NLGN1: variants seen among roughly 807,000 people sequenced by gnomAD.
NLGN1 encodes the protein neuroligin 1.
Under a neutral mutation model 65.5 loss-of-function variants are expected in NLGN1, and 12 were observed. The ratio of observed to expected loss-of-function variants is 0.18; its 90% confidence interval spans 0.12 to 0.30. The LOEUF (loss-of-function observed/expected upper bound fraction) is 0.30. NLGN1 is among the 10% of genes least tolerant of loss of function. The pLI is 1.00. For synonymous variants in NLGN1, 350 were observed against 359.5 expected, an observed-to-expected ratio of 0.97 and a Z score of 0.30; for missense variants, 750 against 1,007.1, an observed-to-expected ratio of 0.74 and a Z score of 3.46.
chr3:173,865,482 G>T (rs1466495795), intron 4 of NLGN1, among the ~76,000 whole-genome samples: 3 of 152,034 alleles, frequency 2.0e-5, no homozygotes, highest in Admixed American at 6.6e-5. Context: ...AGTGTTTTAT[G>T]TGTACTAAGT....
intron 4 of NLGN1, among the ~76,000 whole-genome samples, chr3:174,169,614 A>T (rs887825029): frequency 1.3e-5 from 2 of 152,138 alleles, no homozygotes; most frequent in African/African-American, 4.8e-5. Flanking sequence ...AGTGCTCCAG[A>T]TGCCTGAATT....
intron 3 of NLGN1, among the ~76,000 whole-genome samples, chr3:173,792,991 A>G (rs946996842): frequency 1.3e-5 from 2 of 152,176 alleles, no homozygotes; most frequent in Non-Finnish European, 2.9e-5. Flanking sequence ...ATGTCTAAGT[A>G]AGCCTTTAGG....
intron 2 of NLGN1, among the ~76,000 whole-genome samples, chr3:173,582,171 T>G (rs1180792139): frequency 1.3e-5 from 2 of 152,102 alleles, no homozygotes; most frequent in Non-Finnish European, 2.9e-5. Context: ...TGAGATTCAT[T>G]TATATCAACT....
At chr3:173,747,258 A>AAT (rs904454466) in intron 3 of NLGN1, among the ~76,000 whole-genome samples, 28 of 145,476 alleles carry the variant, frequency 1.9e-4, no homozygotes, top group African/African-American at 6.7e-4. Context: ...TATATATTTA[A>AAT]ATATATATAT....
At chr3:173,650,264 TG>T (rs1758945366) in intron 3 of NLGN1, among the ~76,000 whole-genome samples, 2 of 152,166 alleles carry the variant, frequency 1.3e-5, no homozygotes, top group Admixed American at 1.3e-4. Flanking sequence ...TGGCATCCTA[TG>T]ACAGTTTTCA....
intron 3 of NLGN1, among the ~76,000 whole-genome samples, chr3:173,632,748 A>C (rs907914817): frequency 1.3e-5 from 2 of 152,044 alleles, no homozygotes; most frequent in Non-Finnish European, 2.9e-5. Flanking sequence ...TTTAGAGCCA[A>C]GGAAAGCAGC....
chr3:174,289,047 T>A (rs1752440150), downstream of NLGN1, among the ~76,000 whole-genome samples: 1 of 151,250 alleles, frequency 6.6e-6, no homozygotes, highest in Admixed American at 6.6e-5. Context: ...AGTAAGGAAA[T>A]CAACAAAGAT....
chr3:174,036,920 A>G (rs1447916238), intron 4 of NLGN1, among the ~76,000 whole-genome samples: 2 of 152,156 alleles, frequency 1.3e-5, no homozygotes, highest in Admixed American at 1.3e-4. Flanking sequence ...TGTTCCTGCA[A>G]AGGACATGAT....
chr3:173,661,518 C>T (rs1189896624), intron 3 of NLGN1, among the ~76,000 whole-genome samples: 3 of 151,890 alleles, frequency 2.0e-5, no homozygotes, highest in Non-Finnish European at 4.4e-5. Context: ...TAGTGGTAAG[C>T]GAGATTATAG....
At chr3:173,583,102 C>A (rs1746662320) in intron 2 of NLGN1, among the ~76,000 whole-genome samples, 7 of 152,172 alleles carry the variant, frequency 4.6e-5, no homozygotes, top group Admixed American at 3.3e-4. Context: ...TAGCCCTGAA[C>A]CACATCTGCA....
chr3:173,561,949 T>C (rs1418609444), intron 2 of NLGN1, among the ~76,000 whole-genome samples: 1 of 152,188 alleles, frequency 6.6e-6, no homozygotes, highest in Admixed American at 6.5e-5. Flanking sequence ...TTTAATGGTG[T>C]GACAATTAAA....
At chr3:173,785,202 G>A (rs1437871079) in intron 3 of NLGN1, among the ~76,000 whole-genome samples, 1 of 152,122 alleles carries the variant, frequency 6.6e-6, no homozygotes, top group African/African-American at 2.4e-5. Flanking sequence ...TTGTTTCCCA[G>A]GCCACAGATG....
intron 3 of NLGN1, among the ~76,000 whole-genome samples, chr3:173,622,112 A>C (rs4894619): frequency 0.016 from 2,472 of 152,224 alleles, 33 homozygotes; most frequent in Non-Finnish European, 0.026. Flanking sequence ...TAGATTTCCA[A>C]AAGAGAAATG....
At chr3:173,954,169 T>A (rs894561729) in intron 4 of NLGN1, among the ~76,000 whole-genome samples, 1 of 152,178 alleles carries the variant, frequency 6.6e-6, no homozygotes, top group Non-Finnish European at 1.5e-5. Flanking sequence ...TGTTTATTGC[T>A]GAATTTATCT....
intron 4 of NLGN1, among the ~76,000 whole-genome samples, chr3:174,130,396 A>G (rs1719916644): frequency 6.6e-6 from 1 of 151,928 alleles, no homozygotes; most frequent in Non-Finnish European, 1.5e-5. Flanking sequence ...AATAAACATC[A>G]CTGTATAGTA....
At chr3:174,283,685 A>T (rs985761475) in exon 7 of NLGN1, 4 of 151,420 alleles carry the variant, frequency 2.6e-5, no homozygotes, top group Non-Finnish European at 5.9e-5. Context: ...TCTATCAAAG[A>T]AATGTAGGTA....
chr3:174,271,079 A>G (rs968036863), intron 4 of NLGN1, among the ~76,000 whole-genome samples: 2 of 151,848 alleles, frequency 1.3e-5, no homozygotes, highest in Admixed American at 1.3e-4. Flanking sequence ...CAGCATTGAT[A>G]AACACTGCAA....
chr3:174,181,778 T>TACAC lies in NLGN1; in HGVS notation c.647-93511_647-93508dup, dbSNP rs3035853. On this transcript the variant is annotated intron_variant, in intron 4 of 6. Transcript: ENST00000457714. ...ACCCTGTCTCTCCAAAAAATAAAAA[T>TACAC]ACACACACACACACACACACACACA... Among the ~76,000 whole-genome samples the TACAC allele has an allele frequency of 5.5e-4, 78 of 142,678 alleles. 1 individual carries two copies. The highest frequency in any genetic ancestry group is 1.7e-3 in the African/African-American group (63 of 37,920). 93.6% of individuals were successfully genotyped at this position (142,678 alleles called of 152,430 possible). A position where few individuals can be genotyped will look rare whatever the true frequency, so the allele number is the denominator to read the frequency against.
chr3:173,808,875 G>T (rs779312539), intron 4 of NLGN1, among the ~76,000 whole-genome samples: 2 of 152,038 alleles, frequency 1.3e-5, no homozygotes, highest in Admixed American at 6.6e-5. Context: ...TTTTATCCAC[G>T]TTGAGAATCA....
Sources: gnomAD v4.1 joint callset for allele counts (sites outside exome capture counted in the v4.1 genomes callset) on GRCh38, gnomAD v4.1.1 for gene constraint, MANE v1.5 for transcripts, NCBI Gene and HGNC (gene_info 2026-07-23, HGNC 2026-07-21) for gene names.